Variants in TRAM1 observed in about 807,000 individuals in gnomAD.
The protein encoded by TRAM1 is translocating chain-associated membrane protein 1.
In TRAM1, 17 loss-of-function variants were observed where a neutral mutation model predicts 48.7. That is an observed-to-expected ratio of 0.35 (90% CI 0.24 to 0.52). TRAM1 has a LOEUF of 0.52. Ranked by LOEUF, TRAM1 falls within the 20% of genes least tolerant of loss-of-function variation. TRAM1 has a pLI of 0.94. For missense variants in TRAM1, 351 were observed against 441.5 expected (o/e 0.79, Z 1.84); for synonymous variants, 182 against 154.0 (o/e 1.18, Z -1.34).
At position 70,594,485 on chromosome 8, in the gene TRAM1, C is replaced by T. The variant is rs745394899; in HGVS notation, c.570+21G>A. 82 of 1,553,222 alleles carry T rather than the reference C, an allele frequency of 5.3e-5. 1 individual carries two copies. The highest frequency in any genetic ancestry group is 5.9e-5 in the Non-Finnish European group (68 of 1,154,226). ...AAAAAAATGACAAGACATTTTTTAA[C>T]ACTACAAAATCCCAGCTTACTTTTT... On this transcript the variant is annotated intron_variant, in intron 6 of 10. Transcript: ENST00000262213.
chr8:70,591,377 C>T (rs914154355), intron 6 of TRAM1, among the ~76,000 whole-genome samples: 11 of 152,152 alleles, frequency 7.2e-5, no homozygotes, highest in African/African-American at 2.4e-4. Flanking sequence ...TCTGGGGTTA[C>T]AGCCCCGATG....
At chr8:70,575,211 T>C (rs985411090) in intron 10 of TRAM1, among the ~76,000 whole-genome samples, 7 of 152,198 alleles carry the variant, frequency 4.6e-5, no homozygotes, top group African/African-American at 1.4e-4. Flanking sequence ...AAAACTACTA[T>C]TAAAAGCAGA....
chr8:70,586,849 C>T, intron 8 of TRAM1, 46 bp downstream of exon 8: 1 of 1,522,808 alleles, frequency 6.6e-7, no homozygotes, highest in Non-Finnish European at 9.1e-7. Flanking sequence ...TAGGCACTGA[C>T]TTTAAATACC....
At chr8:70,576,272 T>A (rs949947467) in intron 10 of TRAM1, among the ~76,000 whole-genome samples, 1 of 151,018 alleles carries the variant, frequency 6.6e-6, no homozygotes, top group African/African-American at 2.4e-5. Context: ...TTAAACCCAA[T>A]GAAAAGGAAA....
chr8:70,606,857 TA>T (rs1817731130), intron 1 of TRAM1: 1 of 980,896 alleles, frequency 1.0e-6, no homozygotes, highest in African/African-American at 1.8e-5. Flanking sequence ...TATGCTCCAT[TA>T]AAAAGAAAAT....
intron 1 of TRAM1, 86 bp downstream of exon 1, chr8:70,607,991 G>T (rs1817788486): frequency 1.4e-6 from 2 of 1,438,716 alleles, no homozygotes; most frequent in Admixed American, 2.7e-5. Context: ...CCCGCGTCCT[G>T]GGCGGAGAAG....
chr8:70,580,912 T>C (rs896797658), intron 10 of TRAM1, among the ~76,000 whole-genome samples: 1 of 152,126 alleles, frequency 6.6e-6, no homozygotes, highest in Non-Finnish European at 1.5e-5. Flanking sequence ...AAGAATAAAA[T>C]AGGATTAAAT....
intron 1 of TRAM1, among the ~76,000 whole-genome samples, chr8:70,600,475 G>C (rs1236792410): frequency 6.6e-6 from 1 of 152,166 alleles, no homozygotes. Flanking sequence ...GAGAAAAGCA[G>C]ATCAAATATA....
intron 6 of TRAM1, among the ~76,000 whole-genome samples, chr8:70,589,603 T>TGAG (rs1409815243): frequency 6.6e-6 from 1 of 152,196 alleles, no homozygotes; most frequent in African/African-American, 2.4e-5. Flanking sequence ...TTTGGGAGGC[T>TGAG]GATGCAGGTG....
chr8:70,574,600 CA>C lies in TRAM1; in HGVS notation c.*331del, dbSNP rs1471995710. On this transcript the variant is annotated 3_prime_UTR_variant, in exon 11 of 11. Coordinates refer to ENST00000262213, the MANE Select transcript of TRAM1 (RefSeq NM_014294.6). ...TGCTATTATAAAAAATTGGTGACAGCAAGAAATTGTATCACTGATATGTGGA... is the reference window on the plus strand; with the variant it reads ...TGCTATTATAAAAAATTGGTGACAGCAGAAATTGTATCACTGATATGTGGA... The C allele has an allele frequency of 9.2e-6, 2 of 216,698 alleles. No individual in the cohort carries two copies. Among genetic ancestry groups the C allele is most frequent in the East Asian group, 3.0e-4 (2 of 6,602 alleles). 13.4% of individuals were successfully genotyped at this position (216,698 alleles called of 1,614,324 possible).
intron 10 of TRAM1, among the ~76,000 whole-genome samples, chr8:70,576,043 C>T (rs190572): frequency 5.2e-5 from 7 of 135,248 alleles, no homozygotes; most frequent in Non-Finnish European, 9.2e-5. Flanking sequence ...TGCACTCCAG[C>T]GTGGGCAACA....
At chr8:70,594,626 A>C (rs1456436745) in intron 5 of TRAM1, 36 bp from the exon 6 acceptor site, 3 of 1,512,118 alleles carry the variant, frequency 2.0e-6, no homozygotes, top group Non-Finnish European at 2.7e-6. Flanking sequence ...TACCTTTTAA[A>C]GCATAATTTT....
intron 10 of TRAM1, among the ~76,000 whole-genome samples, chr8:70,582,700 C>T (rs1817106927): frequency 6.6e-6 from 1 of 151,378 alleles, no homozygotes; most frequent in African/African-American, 2.4e-5. Flanking sequence ...TTGCAAAAAC[C>T]ATAAGGAAAA....
At chr8:70,577,541 C>T (rs1563378984) in intron 10 of TRAM1, among the ~76,000 whole-genome samples, 1 of 152,234 alleles carries the variant, frequency 6.6e-6, no homozygotes, top group Non-Finnish European at 1.5e-5. Context: ...GAGAACTGTT[C>T]TGCCTCTCAA....
At chr8:70,603,274 CTA>C (rs911182396) in intron 1 of TRAM1, among the ~76,000 whole-genome samples, 2 of 148,330 alleles carry the variant, frequency 1.3e-5, no homozygotes, top group Non-Finnish European at 3.0e-5. Flanking sequence ...CAATATATAT[CTA>C]TATATACACA....
rs1281836646 is a variant in TRAM1 at position 70,608,395 on chromosome 8, A to C, written c.-196T>G. 2 of 436,838 alleles carry C rather than the reference A, an allele frequency of 4.6e-6. No individual in the cohort carries two copies. The highest frequency in any genetic ancestry group is 7.4e-6 in the Non-Finnish European group (2 of 269,488). 27.1% of individuals were successfully genotyped at this position (436,838 alleles called of 1,614,324 possible). A position where few individuals can be genotyped will look rare whatever the true frequency, so the allele number is the denominator to read the frequency against. On this transcript the variant is annotated 5_prime_UTR_variant, in exon 1 of 11. The change abolishes the stop of an existing upstream ORF in the 5' untranslated region. Coordinates refer to ENST00000262213, the MANE Select transcript of TRAM1 (RefSeq NM_014294.6). ...GGGGAAAAAAAAAAACACAACAGCT[A>C]GCCCGCAGCGGGGGCGAGCATGCGC...
chr8:70,574,826 C>T lies in TRAM1; in HGVS notation c.*106G>A. On this transcript the variant is annotated 3_prime_UTR_variant, in exon 11 of 11. Transcript: ENST00000262213. Reference sequence around the variant, plus strand: ...CATGAAACCGTACAATAGCAAAAATCAAAGAGCACAGACTGTATTTTCAAG... The same window carrying T: ...CATGAAACCGTACAATAGCAAAAATTAAAGAGCACAGACTGTATTTTCAAG... 1 of 814,010 alleles carries T rather than the reference C, an allele frequency of 1.2e-6. No individual in the cohort carries two copies. Among genetic ancestry groups the T allele is most frequent in the Non-Finnish European group, 1.9e-6 (1 of 516,350 alleles). The allele number at this position is 814,010 out of a possible 1,614,324, so 50.4% of individuals were successfully genotyped here.
At chr8:70,598,876 G>A (rs758851177) in intron 2 of TRAM1, among the ~76,000 whole-genome samples, 6 of 152,008 alleles carry the variant, frequency 3.9e-5, no homozygotes, top group Non-Finnish European at 8.8e-5. Flanking sequence ...TTCTTCTCTG[G>A]CATATTCAAA....
At chr8:70,582,441 C>T (rs1454326176) in intron 10 of TRAM1, among the ~76,000 whole-genome samples, 1 of 150,832 alleles carries the variant, frequency 6.6e-6, no homozygotes, top group East Asian at 1.9e-4. Context: ...CTACAGGCAC[C>T]CCCCACTGCA....
Sources: allele counts gnomAD v4.1 joint callset (sites outside exome capture counted in the v4.1 genomes callset), GRCh38; gene constraint gnomAD v4.1.1; transcripts MANE v1.5; gene names NCBI Gene and HGNC (gene_info 2026-07-23, HGNC 2026-07-21).